Variants in BBS12 observed in about 807,000 individuals in gnomAD.
BBS12 encodes the protein Bardet-Biedl syndrome 12, also known as chaperonin-containing T-complex member BBS12.
A neutral mutation model predicts 5.6 loss-of-function variants in BBS12; 5 were observed. The observed-to-expected ratio is 0.89, with a 90% confidence interval of 0.46 to 1.86. The LOEUF is 1.86. Among genes scored for constraint, BBS12 ranks in the 40% most tolerant of loss-of-function variants. BBS12 has a pLI of 0.01. For missense variants in BBS12, 748 were observed against 830.4 expected (o/e 0.90, Z 1.22); for synonymous variants, 308 against 306.8 (o/e 1.00, Z -0.04).
the BBS12 span, among the ~76,000 whole-genome samples, chr4:122,708,114 T>A: frequency 5.9e-5 from 9 of 151,668 alleles, no homozygotes; most frequent in Admixed American, 5.9e-4. Context: ...CTGGCTCAAG[T>A]GATCCTCCCA....
the BBS12 span, among the ~76,000 whole-genome samples, chr4:122,710,607 GA>G: frequency 6.6e-6 from 1 of 152,210 alleles, no homozygotes; most frequent in South Asian, 2.1e-4. Context: ...GACAGTTATG[GA>G]AAGAAGACGG....
At chr4:122,707,975 TTC>T in the BBS12 span, among the ~76,000 whole-genome samples, 253 of 148,306 alleles carry the variant, frequency 1.7e-3, 2 homozygotes, top group African/African-American at 6.1e-3. Flanking sequence ...CTTCCTTCCT[TTC>T]TTTCTTTCTT....
chr4:122,729,059 TCTCC>T (rs1800663678), upstream of BBS12: 3 of 152,342 alleles, frequency 2.0e-5, no homozygotes, highest in East Asian at 3.9e-4. Flanking sequence ...TGGACTTCAG[TCTCC>T]CATGACCAGA....
chr4:122,723,764 G>T, the BBS12 span, among the ~76,000 whole-genome samples: 2 of 152,160 alleles, frequency 1.3e-5, no homozygotes, highest in African/African-American at 4.8e-5. Context: ...TATTTGAGTG[G>T]CAGGTTCAGG....
At chr4:122,731,359 C>T (rs1800693758), upstream of BBS12, 1 of 152,114 alleles carries the variant, frequency 6.6e-6, no homozygotes, top group Non-Finnish European at 1.5e-5. Context: ...TCATTATTTC[C>T]TGACAAAAAC....
At chr4:122,706,333 A>G in the BBS12 span, among the ~76,000 whole-genome samples, 38 of 152,328 alleles carry the variant, frequency 2.5e-4, no homozygotes, top group African/African-American at 8.7e-4. Flanking sequence ...TCTCCATCTC[A>G]AAATACTGAA....
At chr4:122,718,355 A>G in the BBS12 span, among the ~76,000 whole-genome samples, 1 of 152,216 alleles carries the variant, frequency 6.6e-6, no homozygotes, top group Non-Finnish European at 1.5e-5. Context: ...GTCATCAGTC[A>G]GATTTATTTT....
At chr4:122,712,061 A>G in the BBS12 span, among the ~76,000 whole-genome samples, 1 of 152,290 alleles carries the variant, frequency 6.6e-6, no homozygotes, top group East Asian at 1.9e-4. Context: ...TGGACTCAGG[A>G]CTTTGACCAG....
chr4:122,727,239 A>AT, the BBS12 span, among the ~76,000 whole-genome samples: 10 of 152,044 alleles, frequency 6.6e-5, no homozygotes, highest in African/African-American at 2.4e-4. Flanking sequence ...CAAACCAGTG[A>AT]TTTTTTTTAT....
intron 1 of BBS12, among the ~76,000 whole-genome samples, chr4:122,739,387 T>C (rs74647545): frequency 1.3e-5 from 2 of 152,308 alleles, no homozygotes; most frequent in Middle Eastern, 3.4e-3. Flanking sequence ...TGCTCCTCCT[T>C]TTCATGCCTG....
chr4:122,730,031 T>C (rs1435328466), upstream of BBS12: 1 of 152,176 alleles, frequency 6.6e-6, no homozygotes, highest in Non-Finnish European at 1.5e-5. Context: ...CACTATAGAG[T>C]CAAACTTACA....
At chr4:122,716,644 C>CGG in the BBS12 span, among the ~76,000 whole-genome samples, 1 of 95,236 alleles carries the variant, frequency 1.1e-5, no homozygotes, top group Non-Finnish European at 2.5e-5. Context: ...TATATACACA[C>CGG]GTGTGTGTAT....
the BBS12 span, among the ~76,000 whole-genome samples, chr4:122,719,179 T>C: frequency 6.6e-6 from 1 of 152,028 alleles, no homozygotes; most frequent in African/African-American, 2.4e-5. Context: ...CTGGGTCAGG[T>C]GGGGACTTGG....
chr4:122,714,312 A>G, the BBS12 span, among the ~76,000 whole-genome samples: 1 of 152,202 alleles, frequency 6.6e-6, no homozygotes, highest in African/African-American at 2.4e-5. Context: ...AACTGTGAGA[A>G]AATAAGTTTT....
upstream of BBS12, among the ~76,000 whole-genome samples, chr4:122,727,812 C>T (rs1045418254): frequency 5.9e-5 from 9 of 151,634 alleles, no homozygotes; most frequent in African/African-American, 1.2e-4. Flanking sequence ...CAAAGTGCTG[C>T]GATTATAGGT....
chr4:122,702,257 T>C, the BBS12 span, among the ~76,000 whole-genome samples: 4 of 152,186 alleles, frequency 2.6e-5, no homozygotes, highest in South Asian at 2.1e-4. Flanking sequence ...AATTTTTTAG[T>C]AGAGATGCAG....
At chr4:122,716,536 T>A in the BBS12 span, among the ~76,000 whole-genome samples, 1 of 148,832 alleles carries the variant, frequency 6.7e-6, no homozygotes, top group East Asian at 2.0e-4. Context: ...TATTTATATA[T>A]ACATATGTGT....
At chr4:122,719,457 G>T in the BBS12 span, among the ~76,000 whole-genome samples, 38 of 152,098 alleles carry the variant, frequency 2.5e-4, no homozygotes, top group Non-Finnish European at 3.8e-4. Context: ...CTGCTGCTCA[G>T]TCTTTGGGTC....
chr4:122,719,692 A>C, the BBS12 span, among the ~76,000 whole-genome samples: 1 of 152,224 alleles, frequency 6.6e-6, no homozygotes, highest in East Asian at 1.9e-4. Context: ...GGAAAAACCT[A>C]GCAGAAAACA....
Sources: allele counts gnomAD v4.1 joint callset (sites outside exome capture counted in the v4.1 genomes callset), GRCh38; gene constraint gnomAD v4.1.1; transcripts MANE v1.5; gene names NCBI Gene and HGNC (gene_info 2026-07-23, HGNC 2026-07-21).